FRMD6: variants seen among roughly 807,000 people sequenced by gnomAD.
The protein encoded by FRMD6 is FERM domain containing 6.
Under a neutral mutation model 73.2 loss-of-function variants are expected in FRMD6, and 37 were observed. The observed-to-expected ratio is 0.51, with a 90% CI of 0.39 to 0.66. The LOEUF is 0.66. Ranked by LOEUF, FRMD6 falls within the 30% of genes least tolerant of loss-of-function variation. FRMD6 has a pLI of 0.00. For missense variants in FRMD6, 714 were observed against 780.5 expected (o/e 0.91, Z 1.02); for synonymous variants, 273 against 282.2 (o/e 0.97, Z 0.33).
intron 1 of FRMD6, among the ~76,000 whole-genome samples, chr14:51,529,691 A>G (rs1433938777): frequency 6.6e-6 from 1 of 152,106 alleles, no homozygotes; most frequent in Non-Finnish European, 1.5e-5. Context: ...AGACCACCCT[A>G]CCTTGAGAGA....
intron 1 of FRMD6, among the ~76,000 whole-genome samples, chr14:51,536,277 A>G (rs565674276): frequency 1.3e-5 from 2 of 151,572 alleles, no homozygotes; most frequent in African/African-American, 4.8e-5. Context: ...AAAATTGTAG[A>G]CACAGGGTCT....
chr14:51,654,308 G>GGT (rs1892661396), intron 1 of FRMD6, among the ~76,000 whole-genome samples: 1 of 144,080 alleles, frequency 6.9e-6, no homozygotes, highest in Admixed American at 7.0e-5. Flanking sequence ...GCTGAATTGG[G>GGT]GGGGGGGTCT....
chr14:51,567,581 C>A (rs891649524), intron 1 of FRMD6, among the ~76,000 whole-genome samples: 1 of 152,234 alleles, frequency 6.6e-6, no homozygotes, highest in Non-Finnish European at 1.5e-5. Flanking sequence ...CTCAAGCAAT[C>A]CTCCTGTCTT....
At chr14:51,512,639 G>A (rs990203773) in intron 1 of FRMD6, among the ~76,000 whole-genome samples, 1 of 151,886 alleles carries the variant, frequency 6.6e-6, no homozygotes, top group Non-Finnish European at 1.5e-5. Context: ...GTGGGGGATG[G>A]ATAAAAAGAA....
chr14:51,626,627 G>A (rs1382041736), intron 2 of FRMD6, among the ~76,000 whole-genome samples: 3 of 152,144 alleles, frequency 2.0e-5, no homozygotes, highest in Non-Finnish European at 2.9e-5. Flanking sequence ...CTAAGGGTGA[G>A]CATTTTTGAA....
At chr14:51,662,526 C>T (rs1189310727) in intron 1 of FRMD6, among the ~76,000 whole-genome samples, 1 of 152,136 alleles carries the variant, frequency 6.6e-6, no homozygotes, top group Non-Finnish European at 1.5e-5. Flanking sequence ...TGTGACAAAC[C>T]TGACAAAACA....
At chr14:51,420,080 A>G in the FRMD6 span, among the ~76,000 whole-genome samples, 12 of 152,202 alleles carry the variant, frequency 7.9e-5, no homozygotes, top group African/African-American at 2.9e-4. Flanking sequence ...AAAGTGAAGC[A>G]CATTCACTTC....
intron 1 of FRMD6, among the ~76,000 whole-genome samples, chr14:51,662,833 C>T (rs975963266): frequency 7.2e-5 from 11 of 152,054 alleles, no homozygotes; most frequent in African/African-American, 2.7e-4. Context: ...AAACTGTCAA[C>T]AGAGTGAACA....
chr14:51,430,476 C>A, the FRMD6 span, among the ~76,000 whole-genome samples: 3 of 151,982 alleles, frequency 2.0e-5, no homozygotes, highest in Non-Finnish European at 4.4e-5. Flanking sequence ...AGTAGCTCCA[C>A]GCAAATTGGA....
chr14:51,712,504 T>C lies in FRMD6; in HGVS notation c.802T>C (p.Leu268=), dbSNP rs770626521. 1 of 1,599,118 alleles carries C rather than the reference T, an allele frequency of 6.3e-7. No homozygotes were observed. The change falls in exon 9 of 14, where the codon TTA becomes CTA. Residue 268 remains leucine (L), a synonymous_variant. Coordinates refer to ENST00000344768, the MANE Select transcript of FRMD6 (RefSeq NM_001267046.2). ...IFQNLDEEKQ[L]LYDFPWTNVG... is the part of the protein sequence containing the mutation. ...ACAGAATTTAGATGAAGAGAAACAA[T>C]TACTTTATGATTTCCCCTGGACAAA...
chr14:51,704,936 G>A lies in FRMD6; in HGVS notation c.558+1G>A. On this transcript the variant is annotated splice_donor_variant, in intron 6 of 13. Transcript: ENST00000344768. LOFTEE classifies it high-confidence loss of function. ...GCCAGAGGCTTACTTCCCATCTTGG[G>A]TAAGCACTGTTTTCAAATTCGAAAG... is the stretch of plus-strand genomic sequence containing the variant. The A allele has an allele frequency of 1.3e-6, 2 of 1,596,196 alleles. No individual in the cohort carries two copies. Among genetic ancestry groups the A allele is most frequent in the Non-Finnish European group, 1.7e-6 (2 of 1,166,880 alleles).
At chr14:51,636,084 A>G (rs970276834) in intron 2 of FRMD6, among the ~76,000 whole-genome samples, 1 of 152,212 alleles carries the variant, frequency 6.6e-6, no homozygotes, top group Non-Finnish European at 1.5e-5. Flanking sequence ...AACATTTAAT[A>G]GGGACTTAGG....
At chr14:51,512,675 C>T (rs1950918) in intron 1 of FRMD6, among the ~76,000 whole-genome samples, 53,315 of 151,630 alleles carry the variant, frequency 0.35, 9,481 homozygotes, top group South Asian at 0.39. Flanking sequence ...CAGCACAAAT[C>T]GGTGGGTTCT....
At chr14:51,497,234 CTTTTTTT>C (rs540369904) in intron 1 of FRMD6, among the ~76,000 whole-genome samples, 8 of 137,924 alleles carry the variant, frequency 5.8e-5, no homozygotes, top group African/African-American at 2.1e-4. Context: ...TCTGAAATAA[CTTTTTTT>C]TTTTTTTTTT....
chr14:51,714,411 C>T (rs374564271), intron 9 of FRMD6: 1 of 152,120 alleles, frequency 6.6e-6, no homozygotes, highest in Non-Finnish European at 1.5e-5. Flanking sequence ...AATATGTCTC[C>T]GTTCTTGCTT....
intron 1 of FRMD6, among the ~76,000 whole-genome samples, chr14:51,508,035 G>GCGTGCCCACT (rs1285779765): frequency 1.8e-4 from 27 of 152,248 alleles, no homozygotes; most frequent in African/African-American, 6.0e-4. Context: ...CTGCTACTGA[G>GCGTGCCCACT]CGTGCCCACT....
At chr14:51,707,830 T>C (rs567509752) in intron 6 of FRMD6, among the ~76,000 whole-genome samples, 1 of 152,338 alleles carries the variant, frequency 6.6e-6, no homozygotes, top group African/African-American at 2.4e-5. Context: ...TAACTTATTT[T>C]TCCTATTTGT....
In FRMD6 at chr14:51,702,572, A is replaced by G; in HGVS notation, c.355A>G (p.Asn119Asp). The G allele has an allele frequency of 6.2e-7, 1 of 1,611,804 alleles. No individual in the cohort carries two copies. Among genetic ancestry groups the G allele is most frequent in the Middle Eastern group, 1.7e-4 (1 of 6,046 alleles). The change falls in exon 5 of 14, where the codon AAT (asparagine) becomes GAT (aspartate). Residue 119 changes from asparagine to aspartate, a missense_variant. Asn to Asp is a conservative substitution (Grantham distance 23, BLOSUM62 1). Coordinates refer to ENST00000344768, the MANE Select transcript of FRMD6 (RefSeq NM_001267046.2). ...CTTCCGTGTGCAGTACTATGTGGAAAATGGCAGATTGATCAGGTAAGAGGA... is the reference window on the plus strand; with the variant it reads ...CTTCCGTGTGCAGTACTATGTGGAAGATGGCAGATTGATCAGGTAAGAGGA... The part of the protein sequence containing the change: ...IHFRVQYYVE[N>D]GRLISDRAAR...
chr14:51,430,713 A>G, the FRMD6 span, among the ~76,000 whole-genome samples: 1 of 152,184 alleles, frequency 6.6e-6, no homozygotes, highest in African/African-American at 2.4e-5. Context: ...CTCAGAACAA[A>G]AAGCAGCAGT....
Sources: gnomAD v4.1 joint callset for allele counts (sites outside exome capture counted in the v4.1 genomes callset) on GRCh38, gnomAD v4.1.1 for gene constraint, MANE v1.5 for transcripts, NCBI Gene and HGNC (gene_info 2026-07-23, HGNC 2026-07-21) for gene names.